Variants in CORIN observed in about 807,000 individuals in gnomAD.
CORIN encodes atrial natriuretic peptide-converting enzyme.
Under a neutral mutation model 125.3 loss-of-function variants are expected in CORIN, and 117 were observed. The observed-to-expected ratio is 0.93, with a 90% CI of 0.80 to 1.09. The LOEUF (loss-of-function observed/expected upper bound fraction) is 1.09, where lower values mean the gene tolerates loss of function less well. CORIN is among the 50% of genes least tolerant of loss of function. CORIN has a pLI of 0.00. For missense variants in CORIN, 1,253 were observed against 1,306.7 expected (o/e 0.96, Z 0.63); for synonymous variants, 450 against 466.4 (o/e 0.96, Z 0.45).
chr4:47,668,365 C>G lies in CORIN; in HGVS notation c.1358-3102G>C, dbSNP rs192192792. On this transcript the variant is annotated intron_variant, in intron 10 of 21. Coordinates refer to ENST00000273857, the MANE Select transcript of CORIN (RefSeq NM_006587.4). The stretch of plus-strand genomic sequence containing the variant: ...CTTTGAATGCTTCCATGCCTTTCCC[C>G]GCTCACATTTATCCATACATGCCTT... 3.3e-5 allele frequency among the ~76,000 whole-genome samples: 5 copies of G among 152,320 alleles called. No homozygotes were observed. In the East Asian group the frequency reaches 9.6e-4, roughly 29 times the overall value.
intron 3 of CORIN, among the ~76,000 whole-genome samples, chr4:47,780,880 T>C (rs192678677): frequency 8.6e-4 from 131 of 151,652 alleles, no homozygotes; most frequent in African/African-American, 3.0e-3. Context: ...ATAAATAAAA[T>C]AGCTATCGAA....
intron 5 of CORIN, among the ~76,000 whole-genome samples, chr4:47,697,385 T>C (rs973213603): frequency 6.6e-6 from 1 of 152,010 alleles, no homozygotes; most frequent in Non-Finnish European, 1.5e-5. Context: ...ATATTTTCAG[T>C]AGGTATGGAT....
At chr4:47,774,521 C>T (rs1456718939) in intron 3 of CORIN, among the ~76,000 whole-genome samples, 1 of 152,022 alleles carries the variant, frequency 6.6e-6, no homozygotes, top group African/African-American at 2.4e-5. Flanking sequence ...TTTAAAAGAG[C>T]TTTTAAAATA....
intron 8 of CORIN, 25 bp downstream of exon 8, chr4:47,680,116 A>C: frequency 1.3e-6 from 2 of 1,528,020 alleles, no homozygotes; most frequent in South Asian, 2.2e-5. Flanking sequence ...AAAATAAGCA[A>C]AACAAACGTC....
At chr4:47,623,404 T>C (rs917061835) in intron 19 of CORIN, among the ~76,000 whole-genome samples, 167 bp downstream of exon 19, 25 of 152,128 alleles carry the variant, frequency 1.6e-4, no homozygotes, top group Admixed American at 1.6e-3. Context: ...ACATATTAGA[T>C]GGCAACATCA....
chr4:47,697,045 G>A (rs61761816), intron 5 of CORIN, among the ~76,000 whole-genome samples: 4,093 of 152,236 alleles, frequency 0.027, 203 homozygotes, highest in African/African-American at 0.094. Context: ...ACATGGGCCC[G>A]TGCTGAGAGC....
chr4:47,685,593 G>A (rs749375266), intron 6 of CORIN, among the ~76,000 whole-genome samples: 12 of 151,994 alleles, frequency 7.9e-5, no homozygotes, highest in East Asian at 1.9e-4. Flanking sequence ...GCGGTTAGTC[G>A]CATAACTCTA....
intron 10 of CORIN, among the ~76,000 whole-genome samples, chr4:47,673,224 A>AAATT (rs1231748749): frequency 3.1e-5 from 4 of 129,946 alleles, no homozygotes; most frequent in Non-Finnish European, 6.6e-5. Flanking sequence ...ATAAATAAAT[A>AAATT]AATTAGCTGG....
At chr4:47,723,210 A>G (rs760189139) in intron 5 of CORIN, among the ~76,000 whole-genome samples, 7 of 152,224 alleles carry the variant, frequency 4.6e-5, no homozygotes, top group Non-Finnish European at 7.3e-5. Context: ...CAACAGTGCA[A>G]AAGGCTAAAA....
intron 20 of CORIN, among the ~76,000 whole-genome samples, chr4:47,602,292 C>T (rs1721479324): frequency 6.6e-6 from 1 of 152,006 alleles, no homozygotes; most frequent in Admixed American, 6.6e-5. Flanking sequence ...AATAAACAAA[C>T]AAACAATTAT....
At chr4:47,808,498 C>T (rs1731896713) in intron 1 of CORIN, among the ~76,000 whole-genome samples, 1 of 152,182 alleles carries the variant, frequency 6.6e-6, no homozygotes, top group Admixed American at 6.5e-5. Flanking sequence ...ACCCATATTG[C>T]AAGCAGTGTT....
chr4:47,613,958 TA>T (rs202186560), intron 19 of CORIN, among the ~76,000 whole-genome samples: 36,038 of 144,972 alleles, frequency 0.25, 5,019 homozygotes, highest in East Asian at 0.64. Context: ...TAAAGTATAA[TA>T]AAAAAAAAAA....
intron 5 of CORIN, among the ~76,000 whole-genome samples, chr4:47,734,098 G>A (rs2109820034): frequency 1.3e-5 from 2 of 152,112 alleles, no homozygotes; most frequent in Middle Eastern, 3.4e-3. Flanking sequence ...TGGAGCCTGG[G>A]GGACTGGATT....
At chr4:47,818,254 A>G (rs760635397) in intron 1 of CORIN, among the ~76,000 whole-genome samples, 5 of 152,232 alleles carry the variant, frequency 3.3e-5, no homozygotes, top group Non-Finnish European at 7.3e-5. Context: ...AGTTTTGAGC[A>G]GGTAGGCTGA....
At chr4:47,688,075 T>A (rs1725600242) in intron 6 of CORIN, among the ~76,000 whole-genome samples, 1 of 152,190 alleles carries the variant, frequency 6.6e-6, no homozygotes, top group African/African-American at 2.4e-5. Flanking sequence ...TCTCCATGCA[T>A]TGCAAAATGT....
At chr4:47,622,346 G>A (rs1381820551) in intron 19 of CORIN, among the ~76,000 whole-genome samples, 1 of 148,794 alleles carries the variant, frequency 6.7e-6, no homozygotes, top group Admixed American at 6.7e-5. Flanking sequence ...ATGATTTATA[G>A]TCCTTTGGGT....
chr4:47,787,951 C>G (rs2109919313), intron 2 of CORIN, among the ~76,000 whole-genome samples: 1 of 152,368 alleles, frequency 6.6e-6, no homozygotes, highest in South Asian at 2.1e-4. Context: ...GGTATCCATT[C>G]ATTGACAAAA....
chr4:47,618,543 G>A (rs887924082), intron 19 of CORIN, among the ~76,000 whole-genome samples: 10 of 150,736 alleles, frequency 6.6e-5, no homozygotes, highest in Non-Finnish European at 1.5e-4. Flanking sequence ...GCGAGGGCTG[G>A]GCGCAGTGGC....
intron 1 of CORIN, among the ~76,000 whole-genome samples, chr4:47,817,709 C>T (rs950944862): frequency 6.6e-6 from 1 of 152,182 alleles, no homozygotes; most frequent in Non-Finnish European, 1.5e-5. Context: ...AATTCTATTC[C>T]TCCTTATGTT....
Sources: gnomAD v4.1 joint callset for allele counts (sites outside exome capture counted in the v4.1 genomes callset) on GRCh38, gnomAD v4.1.1 for gene constraint, MANE v1.5 for transcripts, NCBI Gene and HGNC (gene_info 2026-07-23, HGNC 2026-07-21) for gene names.